BANK1: variants seen among roughly 807,000 people sequenced by gnomAD.
BANK1 encodes B cell scaffold protein with ankyrin repeats 1.
In BANK1, 95 loss-of-function variants were observed where a neutral mutation model predicts 94.5. The ratio of observed to expected loss-of-function variants is 1.00; its 90% confidence interval spans 0.85 to 1.19. BANK1 has a LOEUF of 1.19. BANK1 is among the 50% of genes most tolerant of loss of function. The probability of loss-of-function intolerance (pLI) is 0.00; values close to 1 mark genes in which losing one functional copy is unlikely to be tolerated. For missense variants in BANK1, 987 were observed against 932.2 expected (o/e 1.06, Z -0.77); for synonymous variants, 334 against 308.4 (o/e 1.08, Z -0.87).
At chr4:101,870,840 A>C (rs1167599130) in intron 5 of BANK1, among the ~76,000 whole-genome samples, 196 bp downstream of exon 5, 2 of 151,912 alleles carry the variant, frequency 1.3e-5, no homozygotes, top group Non-Finnish European at 2.9e-5. Context: ...AAAAAAAAAC[A>C]GATAATGTCA....
At chr4:101,813,833 A>G in intron 1 of BANK1, 1 of 985,334 alleles carries the variant, frequency 1.0e-6, no homozygotes, top group Non-Finnish European at 1.2e-6. Flanking sequence ...CTTCTGGCCA[A>G]CAAGGGCTGC....
chr4:101,917,709 C>CT lies in BANK1; in HGVS notation c.1010-275dup, dbSNP rs1417058378. 3.3e-4 allele frequency among the ~76,000 whole-genome samples: 50 copies of CT among 150,232 alleles called. 1 individual carries two copies. The highest frequency in any genetic ancestry group is 3.3e-4 in the Admixed American group (5 of 15,024). On this transcript the variant is annotated intron_variant, in intron 6 of 16. Transcript: ENST00000322953. ...GAGTTATTACAGCATGTTTTTCTTT[C>CT]TTTTTTTTTCATTTAAGAGGTTGAT...
chr4:102,059,611 A>G (rs1728345524), intron 11 of BANK1, among the ~76,000 whole-genome samples: 1 of 152,204 alleles, frequency 6.6e-6, no homozygotes, highest in Non-Finnish European at 1.5e-5. Flanking sequence ...CCAGGCCACA[A>G]ATTCCTTTTG....
chr4:101,854,927 G>A (rs1480357997), intron 2 of BANK1, 108 bp from the exon 3 acceptor site: 14 of 764,126 alleles, frequency 1.8e-5, no homozygotes, highest in East Asian at 2.5e-5. Flanking sequence ...AACTCAGTTC[G>A]GTTTCCCGTA....
rs75462661 is a variant in BANK1, at chr4:101,921,503, A to G, written c.1206+3314A>G. Among the ~76,000 whole-genome samples the G allele has an allele frequency of 3.5e-3, 538 of 152,092 alleles. 2 individuals are homozygous for G. The highest frequency in any genetic ancestry group is 0.012 in the African/African-American group (503 of 41,544). On this transcript the variant is annotated intron_variant, in intron 7 of 16. Coordinates refer to ENST00000322953, the MANE Select transcript of BANK1 (RefSeq NM_017935.5). Reference sequence around the variant, plus strand: ...AGATTGAGGTGCTTTGAGATTTAAGATAAAGTGTACAAGACTAGTCTGTAC... The same window carrying G: ...AGATTGAGGTGCTTTGAGATTTAAGGTAAAGTGTACAAGACTAGTCTGTAC...
chr4:102,048,449 C>G (rs1352332874), intron 11 of BANK1, among the ~76,000 whole-genome samples: 1 of 152,118 alleles, frequency 6.6e-6, no homozygotes, highest in Non-Finnish European at 1.5e-5. Flanking sequence ...GTCCATGTAA[C>G]ATACTATGCA....
chr4:101,831,466 G>GT (rs944436777), intron 2 of BANK1, among the ~76,000 whole-genome samples: 3 of 151,942 alleles, frequency 2.0e-5, no homozygotes, highest in African/African-American at 7.3e-5. Context: ...AAATTCAATG[G>GT]TTTTTTTGTT....
intron 7 of BANK1, among the ~76,000 whole-genome samples, chr4:101,953,766 A>T (rs1184956097): frequency 6.6e-6 from 1 of 152,088 alleles, no homozygotes; most frequent in Non-Finnish European, 1.5e-5. Context: ...CCACTGAGTC[A>T]TGAGCCTAAA....
intron 7 of BANK1, among the ~76,000 whole-genome samples, chr4:101,971,756 A>G (rs1212653283): frequency 6.6e-6 from 1 of 151,998 alleles, no homozygotes; most frequent in Admixed American, 6.6e-5. Context: ...TTTTCCCATT[A>G]TGTATTCTTG....
At chr4:101,914,233 G>A (rs1722756036) in intron 6 of BANK1, among the ~76,000 whole-genome samples, 1 of 152,064 alleles carries the variant, frequency 6.6e-6, no homozygotes, top group Non-Finnish European at 1.5e-5. Flanking sequence ...TTTTAACTGA[G>A]TGGGCCCAGA....
chr4:101,955,600 G>C (rs1452821936), intron 7 of BANK1, among the ~76,000 whole-genome samples: 1 of 152,056 alleles, frequency 6.6e-6, no homozygotes, highest in African/African-American at 2.4e-5. Context: ...GCATAGTTAT[G>C]TAACAGGAAT....
At chr4:101,960,675 C>A (rs751558889) in intron 7 of BANK1, among the ~76,000 whole-genome samples, 2 of 152,148 alleles carry the variant, frequency 1.3e-5, no homozygotes, top group Non-Finnish European at 2.9e-5. Context: ...TCAAAGCTTT[C>A]TTTTCGTTGT....
chr4:101,921,311 A>T (rs1722990198), intron 7 of BANK1, among the ~76,000 whole-genome samples: 1 of 151,964 alleles, frequency 6.6e-6, no homozygotes, highest in Non-Finnish European at 1.5e-5. Context: ...TTGGTACTTA[A>T]ATTCACAACT....
intron 2 of BANK1, among the ~76,000 whole-genome samples, chr4:101,840,728 G>A (rs1056930095): frequency 6.6e-6 from 1 of 152,104 alleles, no homozygotes; most frequent in Non-Finnish European, 1.5e-5. Context: ...TCTGTTCGAG[G>A]CTCTCAGCTC....
At chr4:101,929,548 A>G (rs867457122) in intron 7 of BANK1, among the ~76,000 whole-genome samples, 1 of 151,648 alleles carries the variant, frequency 6.6e-6, no homozygotes, top group Non-Finnish European at 1.5e-5. Context: ...AATGTAGGAA[A>G]CAATATTTAT....
Position 101,809,804 on chromosome 4 carries a change from A to G in BANK1, c.70+18854A>G, listed in dbSNP as rs141985002. ...CATTTTACTTCAAAAGGCTTTAGGAAAGGAAGAGAAGGAACTATAGCTGAA... is the reference window on the plus strand; with the variant it reads ...CATTTTACTTCAAAAGGCTTTAGGAGAGGAAGAGAAGGAACTATAGCTGAA... On this transcript the variant is annotated intron_variant, in intron 1 of 16. Transcript: ENST00000322953. 8.2e-3 allele frequency among the ~76,000 whole-genome samples: 1,242 copies of G among 152,340 alleles called. 24 individuals are homozygous for G. The highest frequency in any genetic ancestry group is 0.029 in the African/African-American group (1,188 of 41,580).
intron 10 of BANK1, among the ~76,000 whole-genome samples, chr4:102,039,525 AG>A (rs1727638459): frequency 6.6e-6 from 1 of 152,140 alleles, no homozygotes; most frequent in Admixed American, 6.6e-5. Context: ...AGATTTAAAC[AG>A]TATAAATTGG....
chr4:101,870,615 A>G lies in BANK1; in HGVS notation c.874A>G (p.Met292Val), dbSNP rs1375496491. 4 of 1,612,132 alleles carry G rather than the reference A, an allele frequency of 2.5e-6. No homozygotes were observed. The highest frequency in any genetic ancestry group is 2.7e-5 in the African/African-American group (2 of 74,830). ...TAKAKECLFR[M>V]ADSGESLCQN... ...AAAGGCAAAGGAATGCCTATTCAGA[A>G]TGGCAGATTCAGGAGAGAGTTTGTG... Residue 292 changes from methionine (M) to valine (V), a missense_variant, in exon 5 of 17, where the codon ATG becomes GTG. Coordinates refer to ENST00000322953, the MANE Select transcript of BANK1 (RefSeq NM_017935.5).
intron 2 of BANK1, among the ~76,000 whole-genome samples, chr4:101,831,262 C>A (rs930215517): frequency 6.6e-6 from 1 of 152,202 alleles, no homozygotes; most frequent in Non-Finnish European, 1.5e-5. Context: ...AGCAGCAGTA[C>A]AGCCACAGTC....
Sources: gnomAD v4.1 joint callset for allele counts (sites outside exome capture counted in the v4.1 genomes callset) on GRCh38, gnomAD v4.1.1 for gene constraint, MANE v1.5 for transcripts, NCBI Gene and HGNC (gene_info 2026-07-23, HGNC 2026-07-21) for gene names.